Variants in TONSL observed in about 807,000 individuals in gnomAD.
TONSL encodes tonsoku like, DNA repair protein, also known as tonsoku-like protein.
In TONSL, 112 loss-of-function variants were observed where a neutral mutation model predicts 147.1. The observed-to-expected ratio is 0.76, with a 90% CI of 0.65 to 0.89. The LOEUF is 0.89. Ranked by LOEUF, TONSL falls within the 40% of genes least tolerant of loss-of-function variation. The pLI, the probability that TONSL is intolerant of heterozygous loss-of-function variation, is 0.00. For synonymous variants in TONSL, 868 were observed against 801.5 expected, an observed-to-expected ratio of 1.08 and a Z score of -1.40; for missense variants, 1,883 against 1,864.6, an observed-to-expected ratio of 1.01 and a Z score of -0.18.
chr8:144,436,035 C>T lies in TONSL; in HGVS notation c.2398G>A (p.Gly800Ser), dbSNP rs778508899. The T allele has an allele frequency of 6.4e-7, 1 of 1,570,174 alleles. No individual in the cohort carries two copies. Among genetic ancestry groups the T allele is most frequent in the Admixed American group, 1.8e-5 (1 of 56,578 alleles). ...AAYQAAIRGV[G>S]SAQSRLGPGP... ...GGCCCCAGCCGGCTCTGAGCACTGC[C>T]CACACCCCGGATGGCTGCCTGGTAG... The change falls in exon 17 of 26, where the codon GGC becomes AGC. Residue 800 changes from glycine (G) to serine (S), a missense_variant. Transcript: ENST00000409379.
intron 7 of TONSL, 116 bp downstream of exon 7, chr8:144,441,921 C>T: frequency 1.2e-6 from 1 of 835,338 alleles, no homozygotes; most frequent in South Asian, 1.6e-5. Flanking sequence ...AGGACAGGTG[C>T]TCAGGCCTCC....
intron 22 of TONSL, 151 bp downstream of exon 22, chr8:144,433,435 CTT>C: frequency 1.3e-6 from 1 of 765,590 alleles, no homozygotes; most frequent in Non-Finnish European, 2.1e-6. Context: ...TCCTGGAACT[CTT>C]GGCTCAAGCG....
At chr8:144,436,717 C>T in intron 15 of TONSL, 36 bp from the exon 16 acceptor site, 1 of 1,610,980 alleles carries the variant, frequency 6.2e-7, no homozygotes, top group Non-Finnish European at 8.5e-7. Flanking sequence ...CACAGCAGCC[C>T]CCATAACCTC....
At chr8:144,440,687 C>T in intron 9 of TONSL, 31 bp downstream of exon 9, 1 of 1,600,412 alleles carries the variant, frequency 6.2e-7, no homozygotes. Flanking sequence ...CATGGGTGAA[C>T]CTGCATTCGG....
At chr8:144,435,405 A>G (rs2130847164) in intron 18 of TONSL, 69 bp downstream of exon 18, 2 of 1,392,934 alleles carry the variant, frequency 1.4e-6, no homozygotes, top group Non-Finnish European at 1.9e-6. Flanking sequence ...CCACCCTGAC[A>G]TGCAAACACG....
At position 144,440,074 on chromosome 8, in the gene TONSL, G is replaced by C; in HGVS notation, c.1427C>G (p.Ala476Gly). 6.3e-7 allele frequency: 1 copy of C among 1,591,958 alleles called. No individual in the cohort carries two copies. Among genetic ancestry groups the C allele is most frequent in the Non-Finnish European group, 8.6e-7 (1 of 1,161,710 alleles). Reference sequence around the variant, plus strand: ...CTCCAGGGCTTCGCTCTCCGCTGTGGCTGCCGCCTCCTCCGCCTCCTCCTC... The same window carrying C: ...CTCCAGGGCTTCGCTCTCCGCTGTGCCTGCCGCCTCCTCCGCCTCCTCCTC... ...DEEEEAEEAA[A>G]TAESEALEAG... The change falls in exon 11 of 26, where the codon GCC becomes GGC. Residue 476 changes from alanine (A) to glycine (G), a missense_variant. Ala to Gly is a moderately conservative substitution (Grantham distance 60). Coordinates refer to ENST00000409379, the MANE Select transcript of TONSL (RefSeq NM_013432.5).
At position 144,434,196 on chromosome 8, in the gene TONSL, C is replaced by T; in HGVS notation, c.3169G>A (p.Ala1057Thr). 6.3e-7 allele frequency: 1 copy of T among 1,591,042 alleles called. No homozygotes were observed. ...FSACSLALDQ[A>T]QLTPLLRALK... ...GCCCGCAGCAGGGGTGTAAGCTGGG[C>T]CTGGTCCAGGGCCAGGGAGCAGGCG... Residue 1057 changes from alanine to threonine, a missense_variant, in exon 21 of 26, where the codon GCC becomes ACC. Coordinates refer to ENST00000409379, the MANE Select transcript of TONSL (RefSeq NM_013432.5).
intron 18 of TONSL, 81 bp downstream of exon 18, chr8:144,435,392 GC>G: frequency 1.5e-6 from 2 of 1,335,604 alleles, no homozygotes; most frequent in South Asian, 1.5e-5. Flanking sequence ...CTCGTCACAC[GC>G]CCCACCCTGA....
chr8:144,440,643 G>C (rs1307986998), intron 9 of TONSL, 75 bp downstream of exon 9: 2 of 1,555,854 alleles, frequency 1.3e-6, no homozygotes, highest in Admixed American at 3.5e-5. Context: ...ACCTGTCCAT[G>C]GCCACCCTGA....
At chr8:144,432,486 C>T in intron 22 of TONSL, 26 bp from the exon 23 acceptor site, 2 of 1,517,718 alleles carry the variant, frequency 1.3e-6, no homozygotes, top group Non-Finnish European at 1.8e-6. Flanking sequence ...AATCCGTCAG[C>T]CCCACGTGGC....
At position 144,444,369 on chromosome 8, in the gene TONSL, A is replaced by AG. The variant is rs975072502; in HGVS notation, c.25+20dup. Reference sequence around the variant, plus strand: ...CCCCAGCCTCCGCGCCCCCGGAGGAAGGGGTCCCCGAGGAACTTACGGCGA... The same window carrying AG: ...CCCCAGCCTCCGCGCCCCCGGAGGAAGGGGGTCCCCGAGGAACTTACGGCGA... On this transcript the variant is annotated intron_variant, in intron 1 of 25. Coordinates refer to ENST00000409379, the MANE Select transcript of TONSL (RefSeq NM_013432.5). The AG allele has an allele frequency of 2.1e-5, 27 of 1,281,876 alleles. No individual in the cohort carries two copies. The African/African-American group carries it at 3.4e-4, about 16-fold the overall frequency. 79.4% of individuals were successfully genotyped at this position (1,281,876 alleles called of 1,614,324 possible). A position where few individuals can be genotyped will look rare whatever the true frequency, so the allele number is the denominator to read the frequency against.
rs185236054 is a variant in TONSL, at chr8:144,433,943, C to T, written c.3387+35G>A. 268 of 1,526,890 alleles carry T rather than the reference C, an allele frequency of 1.8e-4. 1 individual carries two copies. In the African/African-American group the frequency reaches 2.9e-3, roughly 17 times the overall value. The allele number at this position is 1,526,890 out of a possible 1,614,324, so 94.6% of individuals were successfully genotyped here. ...CTGCAGAATGGGAACCCCAACTCCC[C>T]GCTGTTGAGGGCCTGCTGCTCTCTG... On this transcript the variant is annotated intron_variant, in intron 21 of 25. Coordinates refer to ENST00000409379, the MANE Select transcript of TONSL (RefSeq NM_013432.5).
Position 144,434,858 on chromosome 8 carries a change from G to A in TONSL, c.3038C>T (p.Pro1013Leu). 1 of 1,613,438 alleles carries A rather than the reference G, an allele frequency of 6.2e-7. No individual in the cohort carries two copies. Among genetic ancestry groups the A allele is most frequent in the Non-Finnish European group, 8.5e-7 (1 of 1,179,946 alleles). The change falls in exon 20 of 26, where the codon CCC (proline) becomes CTC (leucine). Residue 1013 changes from proline to leucine, a missense_variant. By Grantham distance (98) the Pro-to-Leu change is moderately conservative. Coordinates refer to ENST00000409379, the MANE Select transcript of TONSL (RefSeq NM_013432.5). ...CCTGCGGTAGCGGTCAGTCAACGGG[G>A]GCAGGTCCCACGAAGTCACCTCAGC... is the stretch of plus-strand genomic sequence containing the variant. ...VLAEVTSWDLPPLTDRYRRAC... is the reference protein window; with the variant it reads ...VLAEVTSWDLLPLTDRYRRAC...
chr8:144,441,871 G>GT, intron 7 of TONSL, 166 bp downstream of exon 7: 2 of 595,970 alleles, frequency 3.4e-6, no homozygotes, highest in Non-Finnish European at 5.9e-6. Context: ...CTGTCAGGAA[G>GT]TAGGGGTACC....
chr8:144,443,704 CAGGAA>C (rs1486016413), intron 3 of TONSL, among the ~76,000 whole-genome samples, 173 bp downstream of exon 3: 1 of 152,250 alleles, frequency 6.6e-6, no homozygotes, highest in African/African-American at 2.4e-5. Flanking sequence ...GCCCCAGTCC[CAGGAA>C]AGGCTGTGGG....
chr8:144,443,823 C>T (rs1394509980), intron 3 of TONSL, 59 bp downstream of exon 3: 2 of 1,533,356 alleles, frequency 1.3e-6, no homozygotes, highest in Non-Finnish European at 1.8e-6. Flanking sequence ...GGCCTCCCTC[C>T]TCAGAAAAGG....
In TONSL at chr8:144,443,262, C is replaced by G; in HGVS notation, c.324G>C (p.Arg108Ser). Reference protein sequence around the residue: ...HSLRNHTELQRAWATIGRTHL... With the variant: ...HSLRNHTELQSAWATIGRTHL... ...GGGTGCGGCCGATGGTGGCCCAGGC[C>G]CTCTGCAGCTCCGTGTGGTTGCGCA... The change falls in exon 4 of 26, where the codon AGG (arginine) becomes AGC (serine). Residue 108 changes from arginine to serine, a missense_variant. Arg to Ser is a moderately radical substitution (Grantham distance 110). Transcript: ENST00000409379. 1 of 1,550,838 alleles carries G rather than the reference C, an allele frequency of 6.4e-7. No individual in the cohort carries two copies. The highest frequency in any genetic ancestry group is 8.7e-7 in the Non-Finnish European group (1 of 1,146,990).
chr8:144,434,833 C>T lies in TONSL; in HGVS notation c.3063G>A (p.Arg1021=). 1 of 1,613,510 alleles carries T rather than the reference C, an allele frequency of 6.2e-7. No individual in the cohort carries two copies. Among genetic ancestry groups the T allele is most frequent in the Non-Finnish European group, 8.5e-7 (1 of 1,179,944 alleles). The part of the protein sequence containing the change: ...DLPPLTDRYR[R]ACQSLGQGEH... ...CACCTTGCCCCAGGCTCTGGCAGGCCCTGCGGTAGCGGTCAGTCAACGGGG... is the reference window on the plus strand; with the variant it reads ...CACCTTGCCCCAGGCTCTGGCAGGCTCTGCGGTAGCGGTCAGTCAACGGGG... Residue 1021 remains arginine (R), a synonymous_variant, in exon 20 of 26, where the codon AGG becomes AGA. Coordinates refer to ENST00000409379, the MANE Select transcript of TONSL (RefSeq NM_013432.5).
In TONSL at chr8:144,443,290, G is replaced by C. The variant is rs759028530; in HGVS notation, c.296C>G (p.Ser99Cys). 1.9e-6 allele frequency: 3 copies of C among 1,550,622 alleles called. No homozygotes were observed. Among genetic ancestry groups the C allele is most frequent in the East Asian group, 2.4e-5 (1 of 40,916 alleles). The change falls in exon 4 of 26, where the codon TCC becomes TGC. Residue 99 changes from serine to cysteine, a missense_variant. Transcript: ENST00000409379. ...HQHQYLELAHSLRNHTELQRA... is the reference protein window; with the variant it reads ...HQHQYLELAHCLRNHTELQRA... ...CTGCAGCTCCGTGTGGTTGCGCAGG[G>C]AATGTGCCAGCTCCAGGTACTGGTG...
Sources: allele counts gnomAD v4.1 joint callset (sites outside exome capture counted in the v4.1 genomes callset), GRCh38; gene constraint gnomAD v4.1.1; transcripts MANE v1.5; gene names NCBI Gene and HGNC (gene_info 2026-07-23, HGNC 2026-07-21).